The following TGFBR3 variants were observed in gnomAD, a reference collection of about 807,000 sequenced individuals.
TGFBR3 encodes the protein transforming growth factor beta receptor 3, also known as transforming growth factor beta receptor type 3.
TGFBR3 carries 46 observed loss-of-function variants against 87.9 expected under a neutral mutation model. The ratio of observed to expected loss-of-function variants is 0.52; its 90% CI spans 0.41 to 0.67. The LOEUF (loss-of-function observed/expected upper bound fraction) is 0.67. Ranked by LOEUF, TGFBR3 falls within the 30% of genes least tolerant of loss-of-function variation. The pLI is 0.00. For missense variants in TGFBR3, 866 were observed against 1,041.9 expected (o/e 0.83, Z 2.32); for synonymous variants, 381 against 391.6 (o/e 0.97, Z 0.32).
At chr1:91,755,196 C>T (rs1249289477) in intron 4 of TGFBR3, 1 of 152,090 alleles carries the variant, frequency 6.6e-6, no homozygotes, top group Non-Finnish European at 1.5e-5. Context: ...CTTAACTATA[C>T]AAATGGATAA....
chr1:91,839,717 G>A (rs1170241470), intron 2 of TGFBR3, among the ~76,000 whole-genome samples: 1 of 152,132 alleles, frequency 6.6e-6, no homozygotes, highest in Non-Finnish European at 1.5e-5. Flanking sequence ...AAAGACCAGG[G>A]AACTGTCAGC....
At chr1:91,790,342 T>C (rs745436267) in intron 3 of TGFBR3, among the ~76,000 whole-genome samples, 4 of 152,220 alleles carry the variant, frequency 2.6e-5, no homozygotes, top group Non-Finnish European at 1.5e-5. Context: ...ATATATACCA[T>C]ATGGCCGAGG....
intron 1 of TGFBR3, among the ~76,000 whole-genome samples, chr1:91,884,460 GT>G (rs1159611568): frequency 6.6e-5 from 10 of 152,172 alleles, no homozygotes; most frequent in Admixed American, 6.5e-4. Flanking sequence ...GATACCTTAT[GT>G]GTGTTTCAAG....
At position 91,787,866 on chromosome 1, in the gene TGFBR3, C is replaced by T. The variant is rs114156923; in HGVS notation, c.246+9421G>A. Among the ~76,000 whole-genome samples, 1,119 of 150,752 alleles carry T rather than the reference C, an allele frequency of 7.4e-3. 15 individuals are homozygous for T. Among genetic ancestry groups the T allele is most frequent in the African/African-American group, 0.026 (1,069 of 40,592 alleles). Reference sequence around the variant, plus strand: ...ACTCAAGAGGCTGAGATGGGAGAATCGCTTGAGGTTGCAGTAAGCTGAGAT... The same window carrying T: ...ACTCAAGAGGCTGAGATGGGAGAATTGCTTGAGGTTGCAGTAAGCTGAGAT... On this transcript the variant is annotated intron_variant, in intron 3 of 16. Coordinates refer to ENST00000212355, the MANE Select transcript of TGFBR3 (RefSeq NM_003243.5).
chr1:91,830,542 G>A (rs940462563), intron 2 of TGFBR3, among the ~76,000 whole-genome samples: 1 of 152,150 alleles, frequency 6.6e-6, no homozygotes, highest in African/African-American at 2.4e-5. Context: ...GGGTTCTACA[G>A]TCTGTTCCTA....
chr1:91,682,890 C>G lies in TGFBR3; in HGVS notation c.*849G>C, dbSNP rs1238316838. On this transcript the variant is annotated 3_prime_UTR_variant, in exon 17 of 17. Coordinates refer to ENST00000212355, the MANE Select transcript of TGFBR3 (RefSeq NM_003243.5). ...TATCACTGTGCAAATTCGTCCTTGACTTTATAACTGAATTTCACCTCAAAT... is the reference window on the plus strand; with the variant it reads ...TATCACTGTGCAAATTCGTCCTTGAGTTTATAACTGAATTTCACCTCAAAT... 6.6e-6 allele frequency: 3 copies of G among 453,040 alleles called. No individual in the cohort carries two copies. The highest frequency in any genetic ancestry group is 1.3e-5 in the Non-Finnish European group (3 of 225,812). 28.1% of individuals were successfully genotyped at this position (453,040 alleles called of 1,614,324 possible). A position where few individuals can be genotyped will look rare whatever the true frequency, so the allele number is the denominator to read the frequency against.
rs17881396 is a variant in TGFBR3, at chr1:91,783,783, C to T, written c.246+13504G>A. Among the ~76,000 whole-genome samples, 394 of 152,274 alleles carry T rather than the reference C, an allele frequency of 2.6e-3. 2 individuals carry two copies. The highest frequency in any genetic ancestry group is 8.9e-3 in the African/African-American group (371 of 41,548). ...TATCGGCAGGGATATTTTAAGTACT[C>T]ACTGAGCAAGAAAACAAAATCAAAA... On this transcript the variant is annotated intron_variant, in intron 3 of 16. Transcript: ENST00000212355.
At chr1:91,877,803 G>A (rs1481272424) in intron 1 of TGFBR3, among the ~76,000 whole-genome samples, 3 of 152,160 alleles carry the variant, frequency 2.0e-5, no homozygotes, top group Non-Finnish European at 2.9e-5. Context: ...AAAATGGGCT[G>A]TTGGCATAAG....
rs17886420 is a variant in TGFBR3 at position 91,734,183 on chromosome 1, C to T, written c.568+593G>A. 7.4e-3 allele frequency among the ~76,000 whole-genome samples: 1,122 copies of T among 152,176 alleles called. 4 individuals are homozygous for T. The highest frequency in any genetic ancestry group is 0.011 in the Non-Finnish European group (755 of 67,992). On this transcript the variant is annotated intron_variant, in intron 5 of 16. Coordinates refer to ENST00000212355, the MANE Select transcript of TGFBR3 (RefSeq NM_003243.5). Reference sequence around the variant, plus strand: ...ACTGGGTTTCTGGATATTTCTATCCCTTTGCAATGCAAGGAAATTTAAATA... The same window carrying T: ...ACTGGGTTTCTGGATATTTCTATCCTTTTGCAATGCAAGGAAATTTAAATA...
At chr1:91,869,711 A>G (rs1338259387) in intron 1 of TGFBR3, among the ~76,000 whole-genome samples, 1 of 152,186 alleles carries the variant, frequency 6.6e-6, no homozygotes, top group African/African-American at 2.4e-5. Flanking sequence ...ATAAATTAGA[A>G]CATTTCTCAA....
chr1:91,686,186 C>T (rs1253948507), intron 16 of TGFBR3, among the ~76,000 whole-genome samples: 2 of 152,198 alleles, frequency 1.3e-5, no homozygotes, highest in Non-Finnish European at 2.9e-5. Context: ...GGACTATGCC[C>T]TGCCCAGGAA....
chr1:91,848,954 T>C (rs1677613336), intron 2 of TGFBR3, among the ~76,000 whole-genome samples: 1 of 152,232 alleles, frequency 6.6e-6, no homozygotes, highest in African/African-American at 2.4e-5. Context: ...TCTATAGATG[T>C]AATTATCTTT....
At position 91,681,232 on chromosome 1, in the gene TGFBR3, G is replaced by A. The variant is rs1377151299; in HGVS notation, c.*2507C>T. On this transcript the variant is annotated 3_prime_UTR_variant, in exon 17 of 17. Coordinates refer to ENST00000212355, the MANE Select transcript of TGFBR3 (RefSeq NM_003243.5). ...AGAAATACTGTAATGAGAAGCTAGG[G>A]AGAAAATACCTTATTTTTTTCATGT... 2.2e-6 allele frequency: 1 copy of A among 444,806 alleles called. No individual in the cohort carries two copies. The highest frequency in any genetic ancestry group is 4.5e-6 in the Non-Finnish European group (1 of 223,368). 27.6% of individuals were successfully genotyped at this position (444,806 alleles called of 1,614,324 possible).
At chr1:91,898,044 T>TA (rs11331075) in intron 2 of TGFBR3, among the ~76,000 whole-genome samples, 9,960 of 148,706 alleles carry the variant, frequency 0.067, 882 homozygotes, top group East Asian at 0.4. Context: ...GTTTTCAATT[T>TA]AAAAAAAAAA....
chr1:91,695,363 G>T, intron 16 of TGFBR3: 2 of 366,672 alleles, frequency 5.5e-6, no homozygotes, highest in South Asian at 2.3e-5. Context: ...TGGTTTTGAC[G>T]GAATGGTTTG....
intron 4 of TGFBR3, among the ~76,000 whole-genome samples, chr1:91,750,026 C>T (rs1673481698): frequency 6.6e-6 from 1 of 152,180 alleles, no homozygotes; most frequent in South Asian, 2.1e-4. Flanking sequence ...CACGAAGAAA[C>T]ACCAACCTTG....
At chr1:91,800,255 TACACACACACAC>T in intron 2 of TGFBR3, among the ~76,000 whole-genome samples, 1 of 89,334 alleles carries the variant, frequency 1.1e-5, no homozygotes, top group East Asian at 2.4e-4. Context: ...TATATATATA[TACACACACACAC>T]ACACACACAC....
At chr1:91,741,465 G>A (rs1673156772) in intron 4 of TGFBR3, among the ~76,000 whole-genome samples, 1 of 152,046 alleles carries the variant, frequency 6.6e-6, no homozygotes, top group Admixed American at 6.5e-5. Flanking sequence ...GGGATTTCTA[G>A]GGAGCCTTCA....
intron 2 of TGFBR3, among the ~76,000 whole-genome samples, chr1:91,798,696 T>G (rs1675483547): frequency 2.0e-5 from 3 of 152,208 alleles, no homozygotes; most frequent in Admixed American, 2.0e-4. Flanking sequence ...CTGTGGGTAC[T>G]CATCTTTGTA....
Sources: allele counts gnomAD v4.1 joint callset (sites outside exome capture counted in the v4.1 genomes callset), GRCh38; gene constraint gnomAD v4.1.1; transcripts MANE v1.5; gene names NCBI Gene and HGNC (gene_info 2026-07-23, HGNC 2026-07-21).